PIK3R1: variants seen among roughly 807,000 people sequenced by gnomAD.
PIK3R1 encodes phosphatidylinositol 3-kinase regulatory subunit alpha.
PIK3R1 carries 29 observed loss-of-function variants against 98.0 expected under a neutral mutation model. The ratio of observed to expected loss-of-function variants is 0.30; its 90% CI spans 0.22 to 0.40. The LOEUF is 0.40. Among genes scored for constraint, PIK3R1 ranks in the 10% least tolerant of loss-of-function variants. PIK3R1 has a pLI of 1.00. For synonymous variants in PIK3R1, 282 were observed against 311.8 expected (o/e 0.90, Z 1.01); for missense variants, 596 against 872.7 (o/e 0.68, Z 3.99).
chr5:68,279,922 T>C (rs557379734), intron 5 of PIK3R1, among the ~76,000 whole-genome samples, 189 bp downstream of exon 5: 2 of 152,358 alleles, frequency 1.3e-5, no homozygotes, highest in South Asian at 2.1e-4. Flanking sequence ...TCTCATTTGC[T>C]TGGGAAGCCC....
chr5:68,268,852 A>G (rs1274134266), intron 2 of PIK3R1, among the ~76,000 whole-genome samples: 1 of 152,164 alleles, frequency 6.6e-6, no homozygotes, highest in Non-Finnish European at 1.5e-5. Flanking sequence ...ACTTAATGCA[A>G]AGAATGCCAC....
intron 1 of PIK3R1, among the ~76,000 whole-genome samples, chr5:68,217,057 C>T (rs1185211556): frequency 6.6e-6 from 1 of 152,134 alleles, no homozygotes; most frequent in Non-Finnish European, 1.5e-5. Context: ...TGAGTCTGCT[C>T]TTTATTTGGG....
At position 68,299,001 on chromosome 5, in the gene PIK3R1, TCTCA is replaced by T. The variant is rs1747889642; in HGVS notation, c.*1403_*1406del. 4.3e-6 allele frequency: 1 copy of T among 233,574 alleles called. No homozygotes were observed. Among genetic ancestry groups the T allele is most frequent in the East Asian group, 6.0e-5 (1 of 16,574 alleles). The allele number at this position is 233,574 out of a possible 1,614,324, so 14.5% of individuals were successfully genotyped here. A position where few individuals can be genotyped will look rare whatever the true frequency, so the allele number is the denominator to read the frequency against. ...AGTTGCTTCTTCTACTTCAGTCTTC[TCTCA>T]CTTTGATTTGCTAGTTGTTATCAAT... On this transcript the variant is annotated 3_prime_UTR_variant, in exon 16 of 16. Coordinates refer to ENST00000521381, the MANE Select transcript of PIK3R1 (RefSeq NM_181523.3).
chr5:68,226,087 A>G (rs897645258), intron 1 of PIK3R1, among the ~76,000 whole-genome samples: 2 of 151,834 alleles, frequency 1.3e-5, no homozygotes, highest in African/African-American at 4.8e-5. Flanking sequence ...CCTCATGCCG[A>G]CACTCCTCCC....
rs1463705488 is a variant in PIK3R1 at position 68,301,432 on chromosome 5, A to ATATATGTGTGTGTG, written c.*3832_*3833insATATGTGTGTGTGT. On this transcript the variant is annotated 3_prime_UTR_variant, in exon 16 of 16. Transcript: ENST00000521381. ...TATATATATATATATATATATATAT[A>ATATATGTGTGTGTG]TGTGTGTGTATATATATATATATGT... is the stretch of plus-strand genomic sequence containing the variant. 3 of 73,542 alleles carry ATATATGTGTGTGTG rather than the reference A, an allele frequency of 4.1e-5. No homozygotes were observed. The highest frequency in any genetic ancestry group is 5.8e-5 in the African/African-American group (1 of 17,312). 4.6% of individuals were successfully genotyped at this position (73,542 alleles called of 1,614,324 possible).
chr5:68,243,616 A>T lies in PIK3R1; in HGVS notation c.334+16607A>T, dbSNP rs139633046. 8.3e-3 allele frequency among the ~76,000 whole-genome samples: 1,263 copies of T among 152,344 alleles called. 14 individuals carry two copies. The highest frequency in any genetic ancestry group is 8.7e-3 in the Non-Finnish European group (589 of 68,026). ...GTGTAAACCAACTGCAAACAAGTTT[A>T]TCCGTTGCCACCTTTCTTTTCCTTT... On this transcript the variant is annotated intron_variant, in intron 2 of 15. Coordinates refer to ENST00000521381, the MANE Select transcript of PIK3R1 (RefSeq NM_181523.3).
chr5:68,273,911 A>G (rs577414533), intron 3 of PIK3R1, 28 bp from the exon 4 acceptor site: 21 of 1,581,524 alleles, frequency 1.3e-5, no homozygotes, highest in Middle Eastern at 1.7e-4. Context: ...TTTTGCATAC[A>G]TGGTCTGTGG....
intron 2 of PIK3R1, among the ~76,000 whole-genome samples, chr5:68,253,486 A>G (rs544651505): frequency 1.3e-4 from 20 of 152,318 alleles, no homozygotes; most frequent in Admixed American, 2.6e-4. Context: ...AGGAAAGAAC[A>G]TTTCCTCTGG....
chr5:68,288,579 G>C, intron 7 of PIK3R1: 9 of 1,523,536 alleles, frequency 5.9e-6, no homozygotes, highest in Non-Finnish European at 7.9e-6. Context: ...CGGCGCCCCC[G>C]CTCCTGCGCG....
intron 4 of PIK3R1, 32 bp from the exon 5 acceptor site, chr5:68,279,570 A>G (rs964548271): frequency 1.3e-6 from 2 of 1,588,582 alleles, no homozygotes; most frequent in African/African-American, 1.4e-5. Context: ...TATAAAATAA[A>G]TGTCTGAAAT....
chr5:68,292,413 A>G, intron 8 of PIK3R1, 52 bp downstream of exon 8: 1 of 1,506,102 alleles, frequency 6.6e-7, no homozygotes, highest in Non-Finnish European at 9.2e-7. Flanking sequence ...AAAGAAAGAA[A>G]AGCACCAGCT....
intron 2 of PIK3R1, among the ~76,000 whole-genome samples, chr5:68,230,112 C>T (rs565391728): frequency 7.2e-5 from 11 of 152,340 alleles, no homozygotes; most frequent in East Asian, 3.9e-4. Context: ...GCTAGTACAG[C>T]TCTTCCCCTA....
chr5:68,264,634 C>T (rs948989548), intron 2 of PIK3R1, among the ~76,000 whole-genome samples: 1 of 152,188 alleles, frequency 6.6e-6, no homozygotes, highest in African/African-American at 2.4e-5. Context: ...GATTTGTAAT[C>T]AGCCTAACAT....
rs764052625 is a variant in PIK3R1 at position 68,290,869 on chromosome 5, A to G, written c.917-1390A>G. The G allele has an allele frequency of 7.0e-6, 10 of 1,428,166 alleles. No homozygotes were observed. In the Admixed American group the frequency reaches 1.7e-4, roughly 25 times the overall value. The allele number at this position is 1,428,166 out of a possible 1,614,324, so 88.5% of individuals were successfully genotyped here. A position where few individuals can be genotyped will look rare whatever the true frequency, so the allele number is the denominator to read the frequency against. On this transcript the variant is annotated intron_variant, in intron 7 of 15. Coordinates refer to ENST00000521381, the MANE Select transcript of PIK3R1 (RefSeq NM_181523.3). ...CAGTATTATTGTAGAGAGTTAGTTA[A>G]TTTCGTGGCTTTTTAATTTTTCGAA...
At chr5:68,243,223 A>G (rs1744936519) in intron 2 of PIK3R1, among the ~76,000 whole-genome samples, 1 of 152,084 alleles carries the variant, frequency 6.6e-6, no homozygotes, top group African/African-American at 2.4e-5. Flanking sequence ...TCTTGGTATC[A>G]GAAGAATTGT....
chr5:68,293,134 A>T lies in PIK3R1; in HGVS notation c.1053A>T (p.Ala351=). The T allele has an allele frequency of 6.2e-7, 1 of 1,613,958 alleles. No individual in the cohort carries two copies. Among genetic ancestry groups the T allele is most frequent in the Non-Finnish European group, 8.5e-7 (1 of 1,179,846 alleles). Residue 351 remains alanine (A), a synonymous_variant, in exon 9 of 16, where the codon GCA becomes GCT. Transcript: ENST00000521381. ...EEVNEKLRDT[A]DGTFLVRDAS... ...TGAATGAAAAACTTCGAGATACAGCAGACGGGACCTTTTTGGTACGAGATG... is the reference window on the plus strand; with the variant it reads ...TGAATGAAAAACTTCGAGATACAGCTGACGGGACCTTTTTGGTACGAGATG...
intron 2 of PIK3R1, among the ~76,000 whole-genome samples, chr5:68,229,526 C>T (rs1580176619): frequency 6.8e-6 from 1 of 147,212 alleles, no homozygotes; most frequent in Non-Finnish European, 1.5e-5. Context: ...TCCTCACCAA[C>T]CCCCACCCCA....
intron 2 of PIK3R1, among the ~76,000 whole-genome samples, chr5:68,239,638 G>A (rs1213134412): frequency 1.3e-5 from 2 of 152,210 alleles, no homozygotes; most frequent in Admixed American, 1.3e-4. Flanking sequence ...CAGTCTGACT[G>A]TTGACCCAAT....
intron 7 of PIK3R1, among the ~76,000 whole-genome samples, chr5:68,287,592 A>G (rs1319639647): frequency 6.6e-6 from 1 of 152,232 alleles, no homozygotes; most frequent in Admixed American, 6.5e-5. Context: ...TCAAATTTTA[A>G]TTAAATAGTA....
Sources: gnomAD v4.1 joint callset for allele counts (sites outside exome capture counted in the v4.1 genomes callset) on GRCh38, gnomAD v4.1.1 for gene constraint, MANE v1.5 for transcripts, NCBI Gene and HGNC (gene_info 2026-07-23, HGNC 2026-07-21) for gene names.